Variants in RAE1 observed in about 807,000 individuals in gnomAD.
The protein encoded by RAE1 is ribonucleic acid export 1.
A neutral mutation model predicts 52.7 loss-of-function variants in RAE1; 13 were observed. The ratio of observed to expected loss-of-function variants is 0.25; its 90% CI spans 0.16 to 0.39. The LOEUF (loss-of-function observed/expected upper bound fraction) is 0.39, where lower values mean the gene tolerates loss of function less well. Among genes scored for constraint, RAE1 ranks in the 10% least tolerant of loss-of-function variants. The probability of loss-of-function intolerance (pLI) is 1.00; values close to 1 mark genes in which losing one functional copy is unlikely to be tolerated. For missense variants in RAE1, 262 were observed against 459.8 expected (o/e 0.57, Z 3.93); for synonymous variants, 164 against 153.1 (o/e 1.07, Z -0.52).
intron 3 of RAE1, among the ~76,000 whole-genome samples, chr20:57,355,540 A>T (rs770784149): frequency 6.6e-6 from 1 of 152,244 alleles, no homozygotes; most frequent in Non-Finnish European, 1.5e-5. Context: ...TATACCCTTT[A>T]TCTCACTGAT....
intron 3 of RAE1, among the ~76,000 whole-genome samples, chr20:57,355,736 T>C (rs111289664): frequency 0.04 from 6,054 of 152,306 alleles, 179 homozygotes; most frequent in African/African-American, 0.089. Flanking sequence ...GAAAAGCTTT[T>C]GAACTGTAGC....
intron 11 of RAE1, chr20:57,375,048 T>G: frequency 1.4e-6 from 1 of 704,536 alleles, no homozygotes; most frequent in Non-Finnish European, 2.6e-6. Flanking sequence ...CGGGCTGCTC[T>G]GTTCCTGGGC....
intron 4 of RAE1, among the ~76,000 whole-genome samples, 196 bp downstream of exon 4, chr20:57,356,734 TATTAA>T (rs1250197104): frequency 2.0e-5 from 3 of 152,244 alleles, no homozygotes; most frequent in Non-Finnish European, 2.9e-5. Context: ...GCTTTTCTTG[TATTAA>T]ATTTTGTGTG....
intron 4 of RAE1, among the ~76,000 whole-genome samples, chr20:57,360,666 T>G (rs2146144360): frequency 6.6e-6 from 1 of 152,354 alleles, no homozygotes; most frequent in Middle Eastern, 3.4e-3. Context: ...CAACTGGAGT[T>G]TTTTACAACT....
rs1255826296 is a variant in RAE1 at position 57,373,816 on chromosome 20, GA to G, written c.825+82del. On this transcript the variant is annotated intron_variant, in intron 10 of 11. Coordinates refer to ENST00000395841, the MANE Select transcript of RAE1 (RefSeq NM_003610.4). ...AGGTGGCTGAGGAATTGTGGGATCA[GA>G]AAAGACTCATCACTGAAGAGCTTGT... is the stretch of plus-strand genomic sequence containing the variant. The G allele has an allele frequency of 3.5e-6, 5 of 1,422,534 alleles. No homozygotes were observed. In the African/African-American group the frequency reaches 5.7e-5, roughly 16 times the overall value. 88.1% of individuals were successfully genotyped at this position (1,422,534 alleles called of 1,614,324 possible). A position where few individuals can be genotyped will look rare whatever the true frequency, so the allele number is the denominator to read the frequency against.
At position 57,354,675 on chromosome 20, in the gene RAE1, G is replaced by A. The variant is rs1473292778; in HGVS notation, c.91-37G>A. The A allele has an allele frequency of 1.2e-5, 17 of 1,433,174 alleles. No homozygotes were observed. In the East Asian group the frequency reaches 4.0e-4, roughly 34 times the overall value. 88.8% of individuals were successfully genotyped at this position (1,433,174 alleles called of 1,614,324 possible). A position where few individuals can be genotyped will look rare whatever the true frequency, so the allele number is the denominator to read the frequency against. On this transcript the variant is annotated intron_variant, in intron 2 of 11. Coordinates refer to ENST00000395841, the MANE Select transcript of RAE1 (RefSeq NM_003610.4). ...AAAACAATTTGGAATGAAGTTGTGA[G>A]CGTGCATACATTTTAACATTGACTT...
At chr20:57,369,907 T>G (rs935836458) in intron 8 of RAE1, among the ~76,000 whole-genome samples, 3 of 152,162 alleles carry the variant, frequency 2.0e-5, no homozygotes, top group Middle Eastern at 3.2e-3. Context: ...TTTTCCCCCA[T>G]GAGGTGGAAG....
chr20:57,354,107 A>G lies in RAE1; in HGVS notation c.69A>G (p.Thr23=). Residue 23 remains threonine, a synonymous_variant, in exon 2 of 12, where the codon ACA becomes ACG. Transcript: ENST00000395841. ...CCAGCATGTTTGGCAGTGCAACTAC[A>G]GACAATCACAATCCCATGAAGGTAC... ...SGTSMFGSAT[T]DNHNPMKDIE... The G allele has an allele frequency of 6.2e-7, 1 of 1,614,064 alleles. No individual in the cohort carries two copies. Among genetic ancestry groups the G allele is most frequent in the East Asian group, 2.2e-5 (1 of 44,882 alleles).
chr20:57,376,617 T>G (rs1241602718), intron 11 of RAE1, among the ~76,000 whole-genome samples: 2 of 152,250 alleles, frequency 1.3e-5, no homozygotes, highest in African/African-American at 2.4e-5. Context: ...GCCATTTGTT[T>G]ATCCATTCAC....
At chr20:57,355,945 T>C (rs1169450217) in intron 3 of RAE1, among the ~76,000 whole-genome samples, 1 of 152,214 alleles carries the variant, frequency 6.6e-6, no homozygotes, top group Non-Finnish European at 1.5e-5. Flanking sequence ...CTGTATAATC[T>C]AGTGTCTTCC....
chr20:57,366,658 G>T (rs1313976541), intron 5 of RAE1, 149 bp from the exon 6 acceptor site: 2 of 739,398 alleles, frequency 2.7e-6, no homozygotes, highest in East Asian at 2.7e-5. Context: ...AGTGAGGAAG[G>T]ATTGGTAAAA....
chr20:57,368,588 C>A, intron 7 of RAE1, 117 bp from the exon 8 acceptor site: 1 of 612,806 alleles, frequency 1.6e-6, no homozygotes. Flanking sequence ...GAAATATAAT[C>A]CCAGGATTAT....
chr20:57,369,577 A>T (rs1025009196), intron 8 of RAE1, among the ~76,000 whole-genome samples: 1 of 152,220 alleles, frequency 6.6e-6, no homozygotes, highest in African/African-American at 2.4e-5. Context: ...AGAGAAGTCT[A>T]TTTTGGGGCA....
chr20:57,353,054 C>G (rs1320431438), intron 1 of RAE1, among the ~76,000 whole-genome samples: 4 of 152,216 alleles, frequency 2.6e-5, no homozygotes, highest in Admixed American at 1.3e-4. Context: ...TGCAGTTTCT[C>G]CGTTCTGTGT....
At chr20:57,352,584 C>T in intron 1 of RAE1, among the ~76,000 whole-genome samples, 1 of 152,202 alleles carries the variant, frequency 6.6e-6, no homozygotes, top group Admixed American at 6.5e-5. Context: ...CGATTCTCAC[C>T]TACCATGTTC....
In RAE1 at chr20:57,354,084, A is replaced by G; in HGVS notation, c.46A>G (p.Ser16Gly). 1.2e-6 allele frequency: 2 copies of G among 1,614,184 alleles called. No individual in the cohort carries two copies. Among genetic ancestry groups the G allele is most frequent in the Non-Finnish European group, 1.7e-6 (2 of 1,180,012 alleles). ...TTSGFGTSGT[S>G]MFGSATTDNH... ...CTCAGGTTTTGGAACCAGTGGGACC[A>G]GCATGTTTGGCAGTGCAACTACAGA... The change falls in exon 2 of 12, where the codon AGC (serine) becomes GGC (glycine). Residue 16 changes from serine (S) to glycine (G), a missense_variant. By Grantham distance (56) the Ser-to-Gly change is moderately conservative (BLOSUM62 0). Coordinates refer to ENST00000395841, the MANE Select transcript of RAE1 (RefSeq NM_003610.4).
chr20:57,366,821 T>G lies in RAE1; in HGVS notation c.390T>G (p.Val130=), dbSNP rs1388223455. 6.2e-7 allele frequency: 1 copy of G among 1,613,040 alleles called. No individual in the cohort carries two copies. The highest frequency in any genetic ancestry group is 8.5e-7 in the Non-Finnish European group (1 of 1,179,082). Residue 130 remains valine, a synonymous_variant, in exon 6 of 12, where the codon GTT becomes GTG. Transcript: ENST00000395841. ...AIQIAQHDAP[V]KTIHWIKAPN... ...CTTGTTGAAAGCATGATGCTCCTGT[T>G]AAAACCATCCATTGGATCAAAGCTC...
chr20:57,352,050 G>A, intron 1 of RAE1: 4 of 895,416 alleles, frequency 4.5e-6, no homozygotes, highest in Non-Finnish European at 5.3e-6. Context: ...GAGATTTTGA[G>A]TGTAAACAAG....
At chr20:57,365,590 T>C in intron 5 of RAE1, 148 bp downstream of exon 5, 1 of 531,130 alleles carries the variant, frequency 1.9e-6, no homozygotes, top group Non-Finnish European at 3.1e-6. Context: ...GAAACCTCTT[T>C]AGCACAAAAA....
Sources: gnomAD v4.1 joint callset for allele counts (sites outside exome capture counted in the v4.1 genomes callset) on GRCh38, gnomAD v4.1.1 for gene constraint, MANE v1.5 for transcripts, NCBI Gene and HGNC (gene_info 2026-07-23, HGNC 2026-07-21) for gene names.